The following C22orf42 variants were observed in gnomAD, a reference collection of about 807,000 sequenced individuals.
The protein encoded by C22orf42 is chromosome 22 open reading frame 42.
A neutral mutation model predicts 31.4 loss-of-function variants in C22orf42; 24 were observed. That is an observed-to-expected ratio of 0.77 (90% CI 0.55 to 1.08). The LOEUF (loss-of-function observed/expected upper bound fraction) is 1.08. C22orf42 is among the 50% of genes least tolerant of loss of function. The pLI is 0.00. For missense variants in C22orf42, 276 were observed against 327.3 expected (o/e 0.84, Z 1.21); for synonymous variants, 96 against 112.7 (o/e 0.85, Z 0.94).
rs1222804449 is a variant in C22orf42, at chr22:32,149,533, T to G, written c.*7A>C. 14 of 1,531,924 alleles carry G rather than the reference T, an allele frequency of 9.1e-6. No individual in the cohort carries two copies. The South Asian group carries it at 9.8e-5, about 11-fold the overall frequency. The allele number at this position is 1,531,924 out of a possible 1,614,324, so 94.9% of individuals were successfully genotyped here. A position where few individuals can be genotyped will look rare whatever the true frequency, so the allele number is the denominator to read the frequency against. On this transcript the variant is annotated 3_prime_UTR_variant, in exon 9 of 9. Transcript: ENST00000382097. Reference sequence around the variant, plus strand: ...GCAGGCGTCTGTAATCCCAGCTACTTGGAACACTAAAGCCGGAGAAGTCCT... The same window carrying G: ...GCAGGCGTCTGTAATCCCAGCTACTGGGAACACTAAAGCCGGAGAAGTCCT...
intron 1 of C22orf42, among the ~76,000 whole-genome samples, chr22:32,155,169 G>C (rs1231802108): frequency 6.6e-6 from 1 of 152,172 alleles, no homozygotes; most frequent in Non-Finnish European, 1.5e-5. Flanking sequence ...ATCATGCCCT[G>C]GACCCTGAAC....
chr22:32,151,593 G>A (rs1162136955), intron 4 of C22orf42, 42 bp from the exon 5 acceptor site: 1 of 1,597,320 alleles, frequency 6.3e-7, no homozygotes, highest in South Asian at 1.1e-5. Flanking sequence ...TGGTGCTGCT[G>A]AGGAATCCCA....
rs376249545 is a variant in C22orf42 at position 32,152,138 on chromosome 22, C to T, written c.373-44G>A. 8.5e-4 allele frequency: 1,347 copies of T among 1,587,612 alleles called. 2 individuals carry two copies. The highest frequency in any genetic ancestry group is 1.1e-3 in the Non-Finnish European group (1,237 of 1,173,332). Reference sequence around the variant, plus strand: ...AAAAGAAACACCATGAGGATCAGATCATGCTGGGTTCTGTTGGCAAAGGCC... The same window carrying T: ...AAAAGAAACACCATGAGGATCAGATTATGCTGGGTTCTGTTGGCAAAGGCC... On this transcript the variant is annotated intron_variant, in intron 3 of 8. Coordinates refer to ENST00000382097, the MANE Select transcript of C22orf42 (RefSeq NM_001010859.3).
chr22:32,151,577 G>C, intron 4 of C22orf42, 26 bp from the exon 5 acceptor site: 1 of 1,610,006 alleles, frequency 6.2e-7, no homozygotes, highest in South Asian at 1.1e-5. Flanking sequence ...GTGACAGTCA[G>C]TGCATTGGTG....
rs767080425 is a variant in C22orf42, at chr22:32,150,474, C to A, written c.499G>T (p.Val167Phe). 1 of 1,614,048 alleles carries A rather than the reference C, an allele frequency of 6.2e-7. No individual in the cohort carries two copies. Among genetic ancestry groups the A allele is most frequent in the Admixed American group, 1.7e-5 (1 of 59,996 alleles). ...ISEAKHDHHL[V>F]EDLSESLSVC... is the part of the protein sequence containing the mutation. ...GATAGGCTTTCACTGAGATCTTCGA[C>A]CAAATCTAGGAGAACATAGTGACAG... Residue 167 changes from valine (V) to phenylalanine (F), a missense_variant, in exon 7 of 9, where the codon GTC (valine) becomes TTC (phenylalanine). Val to Phe is a conservative substitution (Grantham distance 50). Coordinates refer to ENST00000382097, the MANE Select transcript of C22orf42 (RefSeq NM_001010859.3).
intron 3 of C22orf42, 97 bp downstream of exon 3, chr22:32,152,465 A>G (rs150679671): frequency 0.081 from 85,508 of 1,059,660 alleles, 4,184 homozygotes; most frequent in Non-Finnish European, 0.099. Flanking sequence ...TGAGGCCTGA[A>G]TCATGATGGC....
upstream of C22orf42, chr22:32,160,388 C>T (rs977272365): frequency 2.6e-5 from 4 of 152,136 alleles, no homozygotes; most frequent in African/African-American, 9.7e-5. Flanking sequence ...GCCAATACTG[C>T]ATGTGTGAAA....
rs1000962915 is a variant in C22orf42, at chr22:32,149,921, C to T, written c.655-141G>A. The T allele has an allele frequency of 2.9e-5, 18 of 619,722 alleles. No individual in the cohort carries two copies. In the East Asian group the frequency reaches 4.3e-4, roughly 15 times the overall value. The allele number at this position is 619,722 out of a possible 1,614,324, so 38.4% of individuals were successfully genotyped here. ...ACTGGCCCCCCGAATGAAGCATAGA[C>T]GATGTGTGTGGAAAAGGCAATGGGT... On this transcript the variant is annotated intron_variant, in intron 7 of 8. Coordinates refer to ENST00000382097, the MANE Select transcript of C22orf42 (RefSeq NM_001010859.3).
intron 2 of C22orf42, among the ~76,000 whole-genome samples, chr22:32,153,084 C>T (rs1921059893): frequency 6.6e-6 from 1 of 152,152 alleles, no homozygotes; most frequent in African/African-American, 2.4e-5. Context: ...ATTAAGTGTG[C>T]ATTTTAATGA....
chr22:32,151,454 C>T (rs759198447), intron 5 of C22orf42, 33 bp downstream of exon 5: 14 of 1,591,294 alleles, frequency 8.8e-6, no homozygotes, highest in African/African-American at 1.3e-5. Context: ...AAACAAAAAG[C>T]ATTTCTCTTC....
chr22:32,152,367 G>A (rs1401823786), intron 3 of C22orf42, among the ~76,000 whole-genome samples, 195 bp downstream of exon 3: 2 of 152,208 alleles, frequency 1.3e-5, no homozygotes, highest in African/African-American at 4.8e-5. Context: ...CAAACAGTTT[G>A]TAAGTGATGC....
At chr22:32,154,064 A>G (rs1921127774) in intron 2 of C22orf42, among the ~76,000 whole-genome samples, 180 bp downstream of exon 2, 2 of 152,022 alleles carry the variant, frequency 1.3e-5, no homozygotes, top group African/African-American at 4.8e-5. Context: ...TAACTTGTCA[A>G]TATTACTTTA....
intron 1 of C22orf42, among the ~76,000 whole-genome samples, chr22:32,157,094 C>T (rs1200842511): frequency 1.3e-5 from 2 of 152,034 alleles, no homozygotes; most frequent in African/African-American, 4.8e-5. Flanking sequence ...GGATCGTTTG[C>T]ATTTCTTTTT....
chr22:32,150,645 G>A lies in C22orf42; in HGVS notation c.494-166C>T, dbSNP rs571300754. 3.4e-5 allele frequency: 23 copies of A among 678,908 alleles called. No individual in the cohort carries two copies. The East Asian group carries it at 5.9e-4, about 18-fold the overall frequency. 42.1% of individuals were successfully genotyped at this position (678,908 alleles called of 1,614,324 possible). A position where few individuals can be genotyped will look rare whatever the true frequency, so the allele number is the denominator to read the frequency against. On this transcript the variant is annotated intron_variant, in intron 6 of 8. Transcript: ENST00000382097. ...CTTGGTGCTGAAGGAAGGCAAAGGA[G>A]AAGGGCAGAAAGAAATGAAAGAGCC... is the stretch of plus-strand genomic sequence containing the variant.
At chr22:32,159,394 C>A, upstream of C22orf42, 2 of 1,428,448 alleles carry the variant, frequency 1.4e-6, no homozygotes, top group Non-Finnish European at 1.8e-6. Context: ...GCTAGTGGCT[C>A]ACAATGGCCG....
chr22:32,154,460 G>A (rs974529440), intron 1 of C22orf42, 142 bp from the exon 2 acceptor site: 11 of 1,118,022 alleles, frequency 9.8e-6, no homozygotes, highest in Middle Eastern at 2.6e-4. Flanking sequence ...GGTTTGCACC[G>A]TCTGCTTTTC....
intron 6 of C22orf42, 28 bp from the exon 7 acceptor site, chr22:32,150,507 A>G: frequency 1.2e-6 from 2 of 1,612,968 alleles, no homozygotes; most frequent in Non-Finnish European, 1.7e-6. Context: ...CAGTCAGTGC[A>G]TTGGTGCTGC....
upstream of C22orf42, chr22:32,160,260 G>A (rs1221252715): frequency 1.3e-5 from 2 of 152,160 alleles, no homozygotes; most frequent in Non-Finnish European, 2.9e-5. Context: ...AGAAAGTAAA[G>A]GTAGACGTCA....
chr22:32,151,613 C>T (rs1014511221), intron 4 of C22orf42, 62 bp from the exon 5 acceptor site: 76 of 1,541,374 alleles, frequency 4.9e-5, no homozygotes, highest in East Asian at 2.5e-4. Flanking sequence ...ACAAGGAGCC[C>T]TGGGGGATGT....
Sources: allele counts gnomAD v4.1 joint callset (sites outside exome capture counted in the v4.1 genomes callset), GRCh38; gene constraint gnomAD v4.1.1; transcripts MANE v1.5; gene names NCBI Gene and HGNC (gene_info 2026-07-23, HGNC 2026-07-21).